Variants in POLD2 observed in about 807,000 individuals in gnomAD.
The protein encoded by POLD2 is DNA polymerase delta 2, accessory subunit, also known as DNA polymerase delta subunit 2.
Under a neutral mutation model 48.8 loss-of-function variants are expected in POLD2, and 31 were observed. That is an observed-to-expected ratio of 0.64 (90% confidence interval 0.48 to 0.86). The LOEUF is 0.86. POLD2 is among the 40% of genes least tolerant of loss of function. The probability of loss-of-function intolerance (pLI) is 0.00; values close to 1 mark genes in which losing one functional copy is unlikely to be tolerated. For missense variants in POLD2, 455 were observed against 610.1 expected (o/e 0.75, Z 2.68); for synonymous variants, 233 against 256.3 (o/e 0.91, Z 0.87).
chr7:44,122,432 G>A (rs1027916483), intron 1 of POLD2: 1 of 1,077,660 alleles, frequency 9.3e-7, no homozygotes, highest in Non-Finnish European at 1.1e-6. Flanking sequence ...TGGAATTCCC[G>A]ATCTGCCTCC....
At position 44,117,218 on chromosome 7, in the gene POLD2, T is replaced by C; in HGVS notation, c.496A>G (p.Arg166Gly). 1 of 1,613,864 alleles carries C rather than the reference T, an allele frequency of 6.2e-7. No homozygotes were observed. ...TCCACCAGAAACTTCCCGTCGTCTCTCACGGAGCCAAACACAGCCAGGACA... is the reference window on the plus strand; with the variant it reads ...TCCACCAGAAACTTCCCGTCGTCTCCCACGGAGCCAAACACAGCCAGGACA... Reference protein sequence around the residue: ...GTVLAVFGSVRDDGKFLVEDY... With the variant: ...GTVLAVFGSVGDDGKFLVEDY... The change falls in exon 5 of 11, where the codon AGA (arginine) becomes GGA (glycine). Residue 166 changes from arginine (R) to glycine (G), a missense_variant. Arg to Gly is a moderately radical substitution (Grantham distance 125). Around this residue, in one of 3 missense-constraint regions of POLD2, gnomAD observed 349 missense variants for 437.4 expected, o/e 0.80. Transcript: ENST00000610533.
Position 44,114,796 on chromosome 7 carries a change from G to C in POLD2, c.1399C>G (p.Leu467Val). The C allele has an allele frequency of 6.2e-7, 1 of 1,608,256 alleles. No homozygotes were observed. The highest frequency in any genetic ancestry group is 2.2e-5 in the East Asian group (1 of 44,650). The change falls in exon 11 of 11, where the codon CTG (leucine) becomes GTG (valine). Residue 467 changes from leucine (L) to valine (V), a missense_variant. Leu to Val is a conservative substitution (Grantham distance 32). Transcript: ENST00000610533. ...AEDDDLGGLG[L>V]GP ...ACCACTTTTTTGAGTCAGGGGCCCA[G>C]CCCCAGGCCTCCCAGGTCATCGTCC...
chr7:44,118,486 T>C (rs2096243794), intron 2 of POLD2, among the ~76,000 whole-genome samples: 2 of 152,118 alleles, frequency 1.3e-5, no homozygotes, highest in South Asian at 4.1e-4. Context: ...AGAGAGTAAA[T>C]GTCTGTGTTT....
Position 44,114,704 on chromosome 7 carries a change from C to G in POLD2, c.*81G>C. On this transcript the variant is annotated 3_prime_UTR_variant, in exon 11 of 11. Coordinates refer to ENST00000610533, the MANE Select transcript of POLD2 (RefSeq NM_006230.4). ...CTCAAGGCTCGCATCAGCAAGTGCTCAGGCTTTATTTACAATGCCGACACT... is the reference window on the plus strand; with the variant it reads ...CTCAAGGCTCGCATCAGCAAGTGCTGAGGCTTTATTTACAATGCCGACACT... 1 of 1,436,484 alleles carries G rather than the reference C, an allele frequency of 7.0e-7. No homozygotes were observed. Among genetic ancestry groups the G allele is most frequent in the East Asian group, 2.3e-5 (1 of 43,200 alleles). The allele number at this position is 1,436,484 out of a possible 1,614,324, so 89.0% of individuals were successfully genotyped here.
intron 9 of POLD2, 44 bp from the exon 10 acceptor site, chr7:44,115,440 C>G: frequency 8.3e-7 from 1 of 1,208,732 alleles, no homozygotes; most frequent in Non-Finnish European, 1.2e-6. Context: ...CGCCTCAGCA[C>G]TAGCACTCTG....
chr7:44,118,732 G>T (rs1283053709), intron 2 of POLD2, among the ~76,000 whole-genome samples: 2 of 151,876 alleles, frequency 1.3e-5, no homozygotes, highest in Non-Finnish European at 2.9e-5. Flanking sequence ...TGTTAGCCAG[G>T]ATGGTCTCAA....
At chr7:44,117,529 C>G (rs141432624) in intron 4 of POLD2, 90 bp downstream of exon 4, 1 of 1,466,330 alleles carries the variant, frequency 6.8e-7, no homozygotes, top group Admixed American at 2.0e-5. Flanking sequence ...CCCCCCCACT[C>G]CCCCCAGGCT....
Position 44,116,261 on chromosome 7 carries a change from G to A in POLD2, c.873C>T (p.Pro291=), listed in dbSNP as rs765420637. ...CAAACTCGCCTGGCATCACGTCCAC[G>A]GGCACTGAGGCCTGGAAGGCACAGG... The part of the protein sequence containing the change: ...EILLQLSASV[P]VDVMPGEFDP... The change falls in exon 8 of 11, where the codon CCC becomes CCT. Residue 291 remains proline (P), a synonymous_variant. Transcript: ENST00000610533. This position sits in a 1 kb window ranked among gnomAD's most constrained non-coding sequence, Gnocchi z 6.1. 6.2e-6 allele frequency: 10 copies of A among 1,609,804 alleles called. No individual in the cohort carries two copies. Among genetic ancestry groups the A allele is most frequent in the East Asian group, 2.2e-5 (1 of 44,868 alleles).
chr7:44,122,410 G>C, intron 1 of POLD2: 1 of 1,114,486 alleles, frequency 9.0e-7, no homozygotes, highest in Non-Finnish European at 1.1e-6. Flanking sequence ...ATCAAGTTCA[G>C]TTTGCCCCAA....
rs1490138168 is a variant in POLD2 at position 44,117,133 on chromosome 7, C to G, written c.581G>C (p.Arg194Thr). ...QKPAPPLDTDRFVLLVSGLGL... is the reference protein window; with the variant it reads ...QKPAPPLDTDTFVLLVSGLGL... Reference sequence around the variant, plus strand: ...CCAGCTCCCGAGAACTGCTGCTCACCTATCTGTGTCAAGTGGGGGTGCGGG... The same window carrying G: ...CCAGCTCCCGAGAACTGCTGCTCACGTATCTGTGTCAAGTGGGGGTGCGGG... Residue 194 changes from arginine (R) to threonine (T), a missense_variant and splice_region_variant, in exon 5 of 11, where the codon AGG becomes ACG. Coordinates refer to ENST00000610533, the MANE Select transcript of POLD2 (RefSeq NM_006230.4). 1 of 1,613,526 alleles carries G rather than the reference C, an allele frequency of 6.2e-7. No individual in the cohort carries two copies. Among genetic ancestry groups the G allele is most frequent in the South Asian group, 1.1e-5 (1 of 91,060 alleles).
At chr7:44,123,444 A>C in intron 1 of POLD2, 67 bp downstream of exon 1, 1 of 1,490,996 alleles carries the variant, frequency 6.7e-7, no homozygotes, top group Non-Finnish European at 8.9e-7. Context: ...CCACCGACCC[A>C]GGAGCCCGGC....
In POLD2 at chr7:44,122,113, C is replaced by A. The variant is rs779409910; in HGVS notation, c.-56-4G>T. ...TCGCCCAGGCCAAGGAGGTTCACTG[C>A]GAAAACACAAAGGCATTCCTGCTGC... is the stretch of plus-strand genomic sequence containing the variant. On this transcript the variant is annotated splice_region_variant and splice_polypyrimidine_tract_variant and intron_variant, in intron 1 of 10. Coordinates refer to ENST00000610533, the MANE Select transcript of POLD2 (RefSeq NM_006230.4). 1.9e-6 allele frequency: 3 copies of A among 1,581,502 alleles called. No homozygotes were observed. The highest frequency in any genetic ancestry group is 2.3e-5 in the East Asian group (1 of 44,244).
intron 2 of POLD2, among the ~76,000 whole-genome samples, chr7:44,119,334 C>A (rs1409717379): frequency 1.3e-5 from 2 of 152,132 alleles, no homozygotes; most frequent in Non-Finnish European, 2.9e-5. Flanking sequence ...GGATGCCAGA[C>A]CAGCCCCTTA....
At position 44,114,814 on chromosome 7, in the gene POLD2, C is replaced by A; in HGVS notation, c.1381G>T (p.Asp461Tyr). The A allele has an allele frequency of 6.2e-7, 1 of 1,613,100 alleles. No individual in the cohort carries two copies. The highest frequency in any genetic ancestry group is 8.5e-7 in the Non-Finnish European group (1 of 1,179,206). Residue 461 changes from aspartate to tyrosine, a missense_variant, in exon 11 of 11, where the codon GAC becomes TAC. By Grantham distance (160) the Asp-to-Tyr change is radical. This residue lies in a region of POLD2 where 98 missense variants were observed against 138.6 expected (regional missense o/e 0.71). Transcript: ENST00000610533. ...SFSGFGAEDD[D>Y]LGGLGLGP ...GGGCCCAGCCCCAGGCCTCCCAGGTCATCGTCCTCTGCCCCGAAGCCCGAG... is the reference window on the plus strand; with the variant it reads ...GGGCCCAGCCCCAGGCCTCCCAGGTAATCGTCCTCTGCCCCGAAGCCCGAG...
In POLD2 at chr7:44,114,681, C is replaced by T. The variant is rs1309356829; in HGVS notation, c.*104G>A. ...TCCCATAGCCAGAGTGCCCAGGGCT[C>T]AAGGCTCGCATCAGCAAGTGCTCAG... On this transcript the variant is annotated 3_prime_UTR_variant, in exon 11 of 11. Coordinates refer to ENST00000610533, the MANE Select transcript of POLD2 (RefSeq NM_006230.4). 4.0e-6 allele frequency: 5 copies of T among 1,262,196 alleles called. No individual in the cohort carries two copies. Among genetic ancestry groups the T allele is most frequent in the Middle Eastern group, 2.8e-4 (1 of 3,582 alleles). 78.2% of individuals were successfully genotyped at this position (1,262,196 alleles called of 1,614,324 possible).
At position 44,117,692 on chromosome 7, in the gene POLD2, G is replaced by A. The variant is rs3087371; in HGVS notation, c.393C>T (p.Asp131=). Residue 131 remains aspartate (D), a synonymous_variant, in exon 4 of 11, where the codon GAC becomes GAT. Transcript: ENST00000610533. ...PPRSKYIHPD[D]ELVLEDELQR... Reference sequence around the variant, plus strand: ...GCAGTTCATCTTCCAAGACCAGCTCGTCATCTGGGTGTATGTATTTACTCC... The same window carrying A: ...GCAGTTCATCTTCCAAGACCAGCTCATCATCTGGGTGTATGTATTTACTCC... 401 of 1,613,064 alleles carry A rather than the reference G, an allele frequency of 2.5e-4. 6 individuals carry two copies. In the South Asian group the frequency reaches 4.0e-3, roughly 16 times the overall value.
At chr7:44,123,807 G>T, upstream of POLD2, 4 of 963,564 alleles carry the variant, frequency 4.2e-6, no homozygotes, top group Non-Finnish European at 5.6e-6. Flanking sequence ...GCTGACGGGG[G>T]GTGTCGGCCT....
In POLD2 at chr7:44,115,666, A is replaced by G. The variant is rs2096237761; in HGVS notation, c.1147+100T>C. ...ACTTCTCCTCAGACAGTTCTCAGCA[A>G]TGCTGGCAAGTGCAAACCCACAGGG... is the stretch of plus-strand genomic sequence containing the variant. On this transcript the variant is annotated intron_variant, in intron 9 of 10. Coordinates refer to ENST00000610533, the MANE Select transcript of POLD2 (RefSeq NM_006230.4). 7 of 1,327,420 alleles carry G rather than the reference A, an allele frequency of 5.3e-6. No individual in the cohort carries two copies. The South Asian group carries it at 5.6e-5, about 11-fold the overall frequency. The allele number at this position is 1,327,420 out of a possible 1,614,324, so 82.2% of individuals were successfully genotyped here. A position where few individuals can be genotyped will look rare whatever the true frequency, so the allele number is the denominator to read the frequency against.
Position 44,115,859 on chromosome 7 carries a change from T to C in POLD2, c.1054A>G (p.Ile352Val). ...TCCTCCATGCTGCTGTATCGGAAAA[T>C]GTCACTCACGTTCTGTCCTGATGTC... Reference protein sequence around the residue: ...LGTSGQNVSDIFRYSSMEDHL... With the variant: ...LGTSGQNVSDVFRYSSMEDHL... The change falls in exon 9 of 11, where the codon ATT (isoleucine) becomes GTT (valine). Residue 352 changes from isoleucine (I) to valine (V), a missense_variant. Around this residue, in one of 3 missense-constraint regions of POLD2, gnomAD observed 8 missense variants for 34.1 expected, o/e 0.23. Transcript: ENST00000610533. 5.0e-6 allele frequency: 8 copies of C among 1,614,102 alleles called. No individual in the cohort carries two copies. Among genetic ancestry groups the C allele is most frequent in the Non-Finnish European group, 6.8e-6 (8 of 1,180,006 alleles).
Sources: gnomAD v4.1 joint callset for allele counts (sites outside exome capture counted in the v4.1 genomes callset) on GRCh38, gnomAD v4.1.1 for gene constraint, gnomAD v4.1.1 regional missense constraint, Gnocchi (gnomAD v3.1) non-coding constraint, MANE v1.5 for transcripts, NCBI Gene and HGNC (gene_info 2026-07-23, HGNC 2026-07-21) for gene names.